Variants in METTL9 observed in about 807,000 individuals in gnomAD.
METTL9 encodes protein-L-histidine N-pros-methyltransferase.
Under a neutral mutation model 36.0 loss-of-function variants are expected in METTL9, and 10 were observed. That is an observed-to-expected ratio of 0.28 (90% CI 0.17 to 0.47). The LOEUF (loss-of-function observed/expected upper bound fraction) is 0.47. Ranked by LOEUF, METTL9 falls within the 20% of genes least tolerant of loss-of-function variation. The pLI is 0.99. For synonymous variants in METTL9, 175 were observed against 149.7 expected (o/e 1.17, Z -1.23); for missense variants, 246 against 383.5 (o/e 0.64, Z 3.00).
rs143790929 is a variant in METTL9 at position 21,651,201 on chromosome 16, T to C, written c.752-4026T>C. 9.1e-3 allele frequency among the ~76,000 whole-genome samples: 1,391 copies of C among 152,134 alleles called. 48 individuals carry two copies. Among genetic ancestry groups the C allele is most frequent in the East Asian group, 0.082 (423 of 5,156 alleles). On this transcript the variant is annotated intron_variant, in intron 4 of 4. Transcript: ENST00000358154. The stretch of plus-strand genomic sequence containing the variant: ...TCTTGCCACTGCACTCCAGCCTGGG[T>C]GACAGAGCGAGACTCCGTCTCAAAC...
intron 4 of METTL9, among the ~76,000 whole-genome samples, chr16:21,643,954 GT>G: frequency 6.6e-6 from 1 of 151,940 alleles, no homozygotes; most frequent in Non-Finnish European, 1.5e-5. Context: ...TAAGGCTTTC[GT>G]AGATAACAGT....
intron 4 of METTL9, chr16:21,652,596 C>A (rs1266780379): frequency 6.2e-7 from 1 of 1,608,770 alleles, no homozygotes; most frequent in South Asian, 1.1e-5. Flanking sequence ...TCGCAGTCCC[C>A]ATTTCTGTGT....
intron 1 of METTL9, chr16:21,612,360 G>A (rs1965445036): frequency 4.1e-6 from 1 of 246,584 alleles, no homozygotes. Context: ...TGGTTCTGCT[G>A]CCTACTAAGC....
intron 2 of METTL9, among the ~76,000 whole-genome samples, chr16:21,615,474 C>T (rs1191544172): frequency 6.6e-6 from 1 of 152,070 alleles, no homozygotes; most frequent in Admixed American, 6.6e-5. Flanking sequence ...AGAGATCCTC[C>T]CACCTCGGCC....
intron 4 of METTL9, chr16:21,627,057 CT>C (rs1965831733): frequency 1.1e-5 from 11 of 985,320 alleles, no homozygotes; most frequent in Non-Finnish European, 1.3e-5. Flanking sequence ...ATGTGACACA[CT>C]GCAGACCTGA....
At chr16:21,610,726 ATTG>A (rs150694023) in intron 1 of METTL9, among the ~76,000 whole-genome samples, 2,780 of 152,238 alleles carry the variant, frequency 0.018, 72 homozygotes, top group African/African-American at 0.063. Flanking sequence ...GTCAGAATCT[ATTG>A]TTGTTCTAGT....
At chr16:21,598,434 A>G (rs1342929703), upstream of METTL9, among the ~76,000 whole-genome samples, 3 of 152,022 alleles carry the variant, frequency 2.0e-5, no homozygotes, top group Non-Finnish European at 4.4e-5. Context: ...TGTTTCATAA[A>G]TGAAAATCTC....
chr16:21,606,210 G>T (rs961682241), intron 1 of METTL9, among the ~76,000 whole-genome samples: 2 of 152,076 alleles, frequency 1.3e-5, no homozygotes, highest in Admixed American at 6.6e-5. Context: ...GGTGGCACGT[G>T]CCTGTAATCC....
At chr16:21,607,874 C>T (rs879263440) in intron 1 of METTL9, among the ~76,000 whole-genome samples, 8 of 152,026 alleles carry the variant, frequency 5.3e-5, no homozygotes, top group Non-Finnish European at 1.0e-4. Context: ...TGCGGCTGGG[C>T]GCAGCGGCTC....
At chr16:21,650,493 G>A (rs1966541486) in intron 4 of METTL9, among the ~76,000 whole-genome samples, 1 of 142,140 alleles carries the variant, frequency 7.0e-6, no homozygotes, top group African/African-American at 2.6e-5. Flanking sequence ...GGGTGACAGA[G>A]TGAGACTCTT....
intron 4 of METTL9, among the ~76,000 whole-genome samples, chr16:21,650,606 T>C (rs1262211564): frequency 6.6e-6 from 1 of 152,024 alleles, no homozygotes; most frequent in African/African-American, 2.4e-5. Flanking sequence ...AAAACAGGTA[T>C]TTGTAACTTT....
chr16:21,605,258 T>C (rs933951860), intron 1 of METTL9, among the ~76,000 whole-genome samples: 10 of 35,354 alleles, frequency 2.8e-4, no homozygotes, highest in Admixed American at 4.1e-4. Context: ...GCTTGCCTTC[T>C]TTTTTTTTTT....
In METTL9 at chr16:21,655,348, C is replaced by T; in HGVS notation, c.873C>T (p.Thr291=). The change falls in exon 5 of 5, where the codon ACC becomes ACT. Residue 291 remains threonine, a synonymous_variant. Coordinates refer to ENST00000358154, the MANE Select transcript of METTL9 (RefSeq NM_016025.5). ...CTGGTTTTGTTATCGAAGCTTTCAC[C>T]AGACTACCATACCTGTGTGAAGGCG... ...RKAGFVIEAF[T]RLPYLCEGDM... 1 of 1,614,146 alleles carries T rather than the reference C, an allele frequency of 6.2e-7. No homozygotes were observed. The highest frequency in any genetic ancestry group is 8.5e-7 in the Non-Finnish European group (1 of 1,179,972).
intron 4 of METTL9, among the ~76,000 whole-genome samples, chr16:21,628,837 A>T (rs556450886): frequency 6.7e-6 from 1 of 150,108 alleles, no homozygotes; most frequent in East Asian, 2.0e-4. Context: ...TTTAAATATG[A>T]TGCTAATTTT....
intron 1 of METTL9, among the ~76,000 whole-genome samples, chr16:21,605,387 C>T (rs1013859059): frequency 5.4e-5 from 8 of 147,084 alleles, no homozygotes; most frequent in Admixed American, 1.4e-4. Flanking sequence ...CTCAGTACAT[C>T]CTCCTGCCTC....
intron 4 of METTL9, among the ~76,000 whole-genome samples, chr16:21,636,328 CT>C (rs1966091526): frequency 6.6e-6 from 1 of 152,154 alleles, no homozygotes; most frequent in South Asian, 2.1e-4. Context: ...AAAATTATGT[CT>C]TTCTGATTGG....
intron 1 of METTL9, among the ~76,000 whole-genome samples, chr16:21,602,102 CTTCAGATTAA>C (rs1455514799): frequency 2.6e-5 from 4 of 152,130 alleles, no homozygotes; most frequent in South Asian, 4.1e-4. Context: ...GTTTTTCCTC[CTTCAGATTAA>C]TAGTTTTATA....
chr16:21,644,678 A>T (rs558246894), intron 4 of METTL9, among the ~76,000 whole-genome samples: 14 of 152,232 alleles, frequency 9.2e-5, no homozygotes, highest in Non-Finnish European at 1.8e-4. Flanking sequence ...CTTTTTAGAT[A>T]AAGGATTATT....
chr16:21,605,587 G>A (rs1965263470), intron 1 of METTL9, among the ~76,000 whole-genome samples: 1 of 152,046 alleles, frequency 6.6e-6, no homozygotes, highest in African/African-American at 2.4e-5. Flanking sequence ...ATTCTAGTGA[G>A]GCCTCTGTGT....
Sources: allele counts gnomAD v4.1 joint callset (sites outside exome capture counted in the v4.1 genomes callset), GRCh38; gene constraint gnomAD v4.1.1; transcripts MANE v1.5; gene names NCBI Gene and HGNC (gene_info 2026-07-23, HGNC 2026-07-21).